Variants in NMNAT3 observed in about 807,000 individuals in gnomAD.
The protein encoded by NMNAT3 is nicotinamide/nicotinic acid mononucleotide adenylyltransferase 3.
NMNAT3 carries 21 observed loss-of-function variants against 24.8 expected under a neutral mutation model. The observed-to-expected ratio is 0.85, with a 90% CI of 0.60 to 1.22. The LOEUF (loss-of-function observed/expected upper bound fraction) is 1.22, where lower values mean the gene tolerates loss of function less well. NMNAT3 is among the 50% of genes most tolerant of loss of function. NMNAT3 has a pLI of 0.00. For synonymous variants in NMNAT3, 136 were observed against 155.2 expected (o/e 0.88, Z 0.92); for missense variants, 387 against 436.6 (o/e 0.89, Z 1.01).
chr3:139,669,476 CAGAAA>C (rs2057689823), intron 1 of NMNAT3, among the ~76,000 whole-genome samples: 1 of 34,466 alleles, frequency 2.9e-5, no homozygotes. Flanking sequence ...GACCCTGTCT[CAGAAA>C]AAAAAAAAAA....
chr3:139,671,266 T>C (rs2108456438), intron 1 of NMNAT3, among the ~76,000 whole-genome samples: 1 of 152,322 alleles, frequency 6.6e-6, no homozygotes, highest in South Asian at 2.1e-4. Context: ...CCGCATTCTG[T>C]TCCCAGAGCA....
At chr3:139,571,966 G>T (rs1559859890) in intron 6 of NMNAT3, 1 of 395,186 alleles carries the variant, frequency 2.5e-6, no homozygotes, top group Middle Eastern at 6.3e-4. Flanking sequence ...TCACACTTAT[G>T]CTATCTCCTG....
At chr3:139,675,143 C>CAG (rs1559983343) in intron 1 of NMNAT3, among the ~76,000 whole-genome samples, 2 of 151,720 alleles carry the variant, frequency 1.3e-5, no homozygotes, top group African/African-American at 4.8e-5. Context: ...CATACACACA[C>CAG]ACACACACAC....
chr3:139,563,833 G>A (rs1360777034), intron 6 of NMNAT3, among the ~76,000 whole-genome samples: 1 of 152,156 alleles, frequency 6.6e-6, no homozygotes, highest in Non-Finnish European at 1.5e-5. Context: ...TAACTCCAGG[G>A]TGTAGTATAA....
At chr3:139,587,856 A>C (rs1357867030) in intron 3 of NMNAT3, among the ~76,000 whole-genome samples, 3 of 152,136 alleles carry the variant, frequency 2.0e-5, no homozygotes, top group Non-Finnish European at 4.4e-5. Flanking sequence ...ATTTACATAC[A>C]TTTAACCTTC....
At position 139,645,074 on chromosome 3, in the gene NMNAT3, C is replaced by T. The variant is rs535815661; in HGVS notation, c.-140-7012G>A. On this transcript the variant is annotated intron_variant, in intron 1 of 6. Transcript: ENST00000643695. ...AAAATTAGCTGGGTGTGGTGGCACA[C>T]GCCTGTAATCCCAGCTACTCAGGAG... is the stretch of plus-strand genomic sequence containing the variant. 2.2e-4 allele frequency among the ~76,000 whole-genome samples: 33 copies of T among 152,092 alleles called. No individual in the cohort carries two copies. The South Asian group carries it at 5.4e-3, about 25-fold the overall frequency.
chr3:139,622,776 A>G (rs1016757996), intron 3 of NMNAT3, among the ~76,000 whole-genome samples: 10 of 143,108 alleles, frequency 7.0e-5, no homozygotes, highest in Non-Finnish European at 1.4e-4. Flanking sequence ...TATATCATAT[A>G]TATGATATAT....
chr3:139,673,709 A>AG (rs1225308893), intron 1 of NMNAT3, among the ~76,000 whole-genome samples: 1 of 152,076 alleles, frequency 6.6e-6, no homozygotes, highest in Non-Finnish European at 1.5e-5. Context: ...CATGAGGGTC[A>AG]GGACTATGTC....
intron 1 of NMNAT3, among the ~76,000 whole-genome samples, chr3:139,638,843 C>T (rs1411953864): frequency 6.6e-6 from 1 of 152,144 alleles, no homozygotes; most frequent in Non-Finnish European, 1.5e-5. Context: ...TGTTGAAATT[C>T]TTCAGGTGTC....
At chr3:139,618,163 T>G (rs1412720665) in intron 3 of NMNAT3, among the ~76,000 whole-genome samples, 2 of 152,198 alleles carry the variant, frequency 1.3e-5, no homozygotes, top group African/African-American at 4.8e-5. Context: ...AGCCTATATC[T>G]AATTCCCAAA....
chr3:139,625,146 T>G (rs748947157), intron 3 of NMNAT3, among the ~76,000 whole-genome samples: 57 of 152,248 alleles, frequency 3.7e-4, no homozygotes, highest in Non-Finnish European at 7.2e-4. Flanking sequence ...TCTGTATTAC[T>G]ATAGCCACTT....
chr3:139,676,855 A>G (rs1277333739), intron 1 of NMNAT3, among the ~76,000 whole-genome samples: 1 of 152,252 alleles, frequency 6.6e-6, no homozygotes, highest in African/African-American at 2.4e-5. Context: ...AGGCAGGCAC[A>G]CTGTGTTTAG....
chr3:139,658,517 C>T (rs2057315620), intron 1 of NMNAT3, among the ~76,000 whole-genome samples: 1 of 152,344 alleles, frequency 6.6e-6, no homozygotes, highest in African/African-American at 2.4e-5. Flanking sequence ...TCTTCCCAAA[C>T]TTTATTGTGA....
At chr3:139,673,715 A>C (rs775739112) in intron 1 of NMNAT3, among the ~76,000 whole-genome samples, 3 of 152,170 alleles carry the variant, frequency 2.0e-5, no homozygotes, top group Non-Finnish European at 4.4e-5. Context: ...GGTCAGGACT[A>C]TGTCATTTTG....
At chr3:139,596,987 C>T (rs919716020) in intron 3 of NMNAT3, among the ~76,000 whole-genome samples, 10 of 130,536 alleles carry the variant, frequency 7.7e-5, no homozygotes, top group Admixed American at 3.2e-4. Context: ...TGCATTACAA[C>T]CATTATATAG....
At chr3:139,591,146 G>C (rs1165994249) in intron 3 of NMNAT3, among the ~76,000 whole-genome samples, 2 of 151,200 alleles carry the variant, frequency 1.3e-5, no homozygotes, top group Non-Finnish European at 3.0e-5. Context: ...GCGAGGCATT[G>C]CCTCACCTGG....
intron 1 of NMNAT3, among the ~76,000 whole-genome samples, chr3:139,644,921 C>T (rs533614083): frequency 6.6e-5 from 10 of 152,162 alleles, no homozygotes; most frequent in South Asian, 4.2e-4. Context: ...ATACAGCTCG[C>T]GGCCGGGAGT....
chr3:139,561,005 C>A lies in NMNAT3; in HGVS notation c.*5G>T, dbSNP rs769295912. 8 of 1,605,902 alleles carry A rather than the reference C, an allele frequency of 5.0e-6. No homozygotes were observed. Among genetic ancestry groups the A allele is most frequent in the Non-Finnish European group, 6.8e-6 (8 of 1,174,788 alleles). ...GAGGAGGTGTGGGTGCTGAGTCCCCCCTCCCTAGCTTGTCTTGCCCTCAGT... is the reference window on the plus strand; with the variant it reads ...GAGGAGGTGTGGGTGCTGAGTCCCCACTCCCTAGCTTGTCTTGCCCTCAGT... On this transcript the variant is annotated 3_prime_UTR_variant, in exon 7 of 7. Transcript: ENST00000643695.
intron 3 of NMNAT3, chr3:139,609,657 G>GCT (rs1553749619): frequency 7.4e-6 from 1 of 134,696 alleles, no homozygotes; most frequent in African/African-American, 2.7e-5. Context: ...CAACTTACTT[G>GCT]TTTTTTTTTT....
Sources: gnomAD v4.1 joint callset for allele counts (sites outside exome capture counted in the v4.1 genomes callset) on GRCh38, gnomAD v4.1.1 for gene constraint, MANE v1.5 for transcripts, NCBI Gene and HGNC (gene_info 2026-07-23, HGNC 2026-07-21) for gene names.